The following MCM5 variants were observed in gnomAD, a reference collection of about 807,000 sequenced individuals.
MCM5 encodes minichromosome maintenance complex component 5, also known as DNA replication licensing factor MCM5.
MCM5 carries 46 observed loss-of-function variants against 79.9 expected under a neutral mutation model. The observed-to-expected ratio is 0.58, with a 90% CI of 0.45 to 0.74. MCM5 has a LOEUF of 0.74. MCM5 is among the 30% of genes least tolerant of loss of function. MCM5 has a pLI of 0.00. For synonymous variants in MCM5, 404 were observed against 390.5 expected (o/e 1.03, Z -0.41); for missense variants, 883 against 1,017.0 (o/e 0.87, Z 1.79).
At chr22:35,430,539 C>T in the MCM5 span, among the ~76,000 whole-genome samples, 7 of 145,980 alleles carry the variant, frequency 4.8e-5, no homozygotes, top group South Asian at 2.2e-4. Context: ...CTCGCTCTGT[C>T]GCCCAGGCTA....
In MCM5 at chr22:35,406,296, A is replaced by ACCG. The variant is rs758388958; in HGVS notation, c.424-255_424-254insGCC. Reference sequence around the variant, plus strand: ...TGCTTAGTGTATCTCTTGCCCTGCCACCTCCCCCCCCAATTGTGCTGCGAG... The same window carrying ACCG: ...TGCTTAGTGTATCTCTTGCCCTGCCACCGCCTCCCCCCCCAATTGTGCTGCGAG... On this transcript the variant is annotated intron_variant, in intron 4 of 16. Transcript: ENST00000216122. Among the ~76,000 whole-genome samples, 13 of 120,922 alleles carry ACCG rather than the reference A, an allele frequency of 1.1e-4. 1 individual carries two copies. Among genetic ancestry groups the ACCG allele is most frequent in the Non-Finnish European group, 2.2e-4 (13 of 58,908 alleles). The allele number at this position is 120,922 out of a possible 152,430, so 79.3% of individuals were successfully genotyped here.
At chr22:35,403,709 T>TA (rs1370154948) in intron 4 of MCM5, among the ~76,000 whole-genome samples, 167 bp downstream of exon 4, 3 of 152,188 alleles carry the variant, frequency 2.0e-5, no homozygotes, top group Non-Finnish European at 4.4e-5. Flanking sequence ...TATGAAAAAT[T>TA]ACACACCCAA....
At position 35,424,587 on chromosome 22, in the gene MCM5, A is replaced by C. The variant is rs1268325529; in HGVS notation, c.*332A>C. 4.6e-6 allele frequency: 1 copy of C among 219,070 alleles called. No homozygotes were observed. Among genetic ancestry groups the C allele is most frequent in the East Asian group, 9.8e-5 (1 of 10,232 alleles). 13.6% of individuals were successfully genotyped at this position (219,070 alleles called of 1,614,324 possible). A position where few individuals can be genotyped will look rare whatever the true frequency, so the allele number is the denominator to read the frequency against. ...GTGTGAGGGAACAGGGTCTGGAGGC[A>C]GACTGGCCAGGGTTTCTGACTTGGA... On this transcript the variant is annotated 3_prime_UTR_variant, in exon 17 of 17. Transcript: ENST00000216122.
At chr22:35,402,888 A>G (rs1024581814) in intron 2 of MCM5, among the ~76,000 whole-genome samples, 5 of 152,170 alleles carry the variant, frequency 3.3e-5, no homozygotes, top group Non-Finnish European at 4.4e-5. Flanking sequence ...GAGAAGTTAA[A>G]GGCTCTGCGG....
chr22:35,436,270 G>T, the MCM5 span, among the ~76,000 whole-genome samples: 3 of 151,898 alleles, frequency 2.0e-5, no homozygotes, highest in Non-Finnish European at 4.4e-5. Flanking sequence ...CCTGGATCCA[G>T]CTCTTAACAG....
chr22:35,439,871 T>C, the MCM5 span, among the ~76,000 whole-genome samples: 2 of 152,270 alleles, frequency 1.3e-5, no homozygotes, highest in Non-Finnish European at 2.9e-5. Flanking sequence ...AGGCCTGGCA[T>C]GGTGCCCAAA....
chr22:35,449,209 C>T, the MCM5 span, among the ~76,000 whole-genome samples: 2 of 152,162 alleles, frequency 1.3e-5, no homozygotes, highest in Admixed American at 1.3e-4. Context: ...TTCTCTGAGC[C>T]GCTGTCACTC....
intron 5 of MCM5, among the ~76,000 whole-genome samples, chr22:35,407,077 C>T (rs922294104): frequency 1.7e-4 from 26 of 152,156 alleles, no homozygotes; most frequent in African/African-American, 6.0e-4. Flanking sequence ...CCCTATGGCC[C>T]AGGAACACGT....
At chr22:35,438,211 A>G in the MCM5 span, among the ~76,000 whole-genome samples, 1 of 150,066 alleles carries the variant, frequency 6.7e-6, no homozygotes, top group African/African-American at 2.5e-5. Flanking sequence ...ATCCACCCAC[A>G]TGCATATCCA....
In MCM5 at chr22:35,400,580, C is replaced by A. The variant is rs1309249103; in HGVS notation, c.142C>A (p.Arg48Ser). The A allele has an allele frequency of 1.2e-6, 2 of 1,612,562 alleles. No individual in the cohort carries two copies. The highest frequency in any genetic ancestry group is 1.7e-6 in the Non-Finnish European group (2 of 1,179,286). ...FLRQYRVGTD[R>S]TGFTFKYRDE... ...GCGGCAGTACCGAGTGGGCACCGACCGCACGGGCTTCACCTTCAAATACAG... is the reference window on the plus strand; with the variant it reads ...GCGGCAGTACCGAGTGGGCACCGACAGCACGGGCTTCACCTTCAAATACAG... The change falls in exon 2 of 17, where the codon CGC becomes AGC. Residue 48 changes from arginine to serine, a missense_variant. Arg to Ser is a moderately radical substitution (Grantham distance 110). Coordinates refer to ENST00000216122, the MANE Select transcript of MCM5 (RefSeq NM_006739.4).
At chr22:35,454,824 A>G in the MCM5 span, among the ~76,000 whole-genome samples, 4,939 of 152,134 alleles carry the variant, frequency 0.032, 187 homozygotes, top group East Asian at 0.1. Flanking sequence ...CTCCGTTGTA[A>G]GGGGCTTCCC....
chr22:35,407,708 A>G (rs1255679590), intron 5 of MCM5, among the ~76,000 whole-genome samples: 4 of 152,094 alleles, frequency 2.6e-5, no homozygotes, highest in South Asian at 2.1e-4. Flanking sequence ...CCAACCCTTC[A>G]TCTTCAGTTT....
Position 35,412,539 on chromosome 22 carries a change from C to G in MCM5, c.949C>G (p.Gln317Glu). ...CAGCTTTGCTGGGGCCGTGAGCCCC[C>G]AGGAGGAGGAGGAGTTCCGTCGCCT... ...GRSFAGAVSP[Q>E]EEEEFRRLAA... The change falls in exon 8 of 17, where the codon CAG becomes GAG. Residue 317 changes from glutamine to glutamate, a missense_variant. Gln to Glu is a conservative substitution (Grantham distance 29). This residue lies in a region of MCM5 where 455 missense variants were observed against 517.5 expected (regional missense o/e 0.88). Coordinates refer to ENST00000216122, the MANE Select transcript of MCM5 (RefSeq NM_006739.4). The G allele has an allele frequency of 6.3e-7, 1 of 1,575,038 alleles. No individual in the cohort carries two copies. Among genetic ancestry groups the G allele is most frequent in the Non-Finnish European group, 8.6e-7 (1 of 1,158,330 alleles).
chr22:35,454,110 C>T, the MCM5 span, among the ~76,000 whole-genome samples: 1 of 152,036 alleles, frequency 6.6e-6, no homozygotes, highest in African/African-American at 2.4e-5. Context: ...AGAGAGACGG[C>T]AGCATGTGTG....
the MCM5 span, among the ~76,000 whole-genome samples, chr22:35,453,219 C>T: frequency 6.6e-6 from 1 of 152,242 alleles, no homozygotes; most frequent in African/African-American, 2.4e-5. Flanking sequence ...GGTCCAGGCA[C>T]AGACACTGGG....
chr22:35,416,959 G>T (rs1260097667), intron 12 of MCM5, 145 bp downstream of exon 12: 11 of 872,314 alleles, frequency 1.3e-5, no homozygotes, highest in Non-Finnish European at 2.0e-5. Flanking sequence ...GTGAGAGGGC[G>T]GTTGTTGTGG....
At chr22:35,418,519 G>T (rs1221930641) in intron 13 of MCM5, among the ~76,000 whole-genome samples, 1 of 152,060 alleles carries the variant, frequency 6.6e-6, no homozygotes, top group East Asian at 1.9e-4. Context: ...AATTAGCCGG[G>T]TGTGGTGGTG....
chr22:35,415,492 A>C (rs2145795066), intron 9 of MCM5, among the ~76,000 whole-genome samples: 1 of 152,298 alleles, frequency 6.6e-6, no homozygotes, highest in Middle Eastern at 3.4e-3. Context: ...AGGAGTCCTC[A>C]TCCTAGCCCT....
the MCM5 span, among the ~76,000 whole-genome samples, chr22:35,432,756 G>C: frequency 6.6e-6 from 1 of 152,126 alleles, no homozygotes; most frequent in Non-Finnish European, 1.5e-5. Context: ...GAGTGGAGGG[G>C]GTTGGGGATT....
Sources: allele counts gnomAD v4.1 joint callset (sites outside exome capture counted in the v4.1 genomes callset), GRCh38; gene constraint gnomAD v4.1.1; regional missense constraint gnomAD v4.1.1; transcripts MANE v1.5; gene names NCBI Gene and HGNC (gene_info 2026-07-23, HGNC 2026-07-21).